The following OR8D1 variants were observed in gnomAD, a reference collection of about 807,000 sequenced individuals.
OR8D1 encodes the protein olfactory receptor 8D1.
For missense variants in OR8D1, 384 were observed against 366.8 expected (o/e 1.05, Z -0.38); for synonymous variants, 143 against 147.0 (o/e 0.97, Z 0.20).
Position 124,304,236 on chromosome 11 carries a change from C to A in OR8D1, c.*5604G>T, listed in dbSNP as rs2137787066. 6.6e-6 allele frequency: 1 copy of A among 152,052 alleles called. No homozygotes were observed. Among genetic ancestry groups the A allele is most frequent in the Non-Finnish European group, 1.5e-5 (1 of 67,916 alleles). The allele number at this position is 152,052 out of a possible 1,614,324, so 9.4% of individuals were successfully genotyped here. A position where few individuals can be genotyped will look rare whatever the true frequency, so the allele number is the denominator to read the frequency against. ...AAACAATCATCATTATGAATTTTAT[C>A]TTCACAGGTTTATATTGCCTATTCT... On this transcript the variant is annotated 3_prime_UTR_variant, in exon 3 of 3. Transcript: ENST00000641015.
In OR8D1 at chr11:124,309,873, C is replaced by A; in HGVS notation, c.894G>T (p.Lys298Asn). 6.7e-7 allele frequency: 1 copy of A among 1,486,688 alleles called. No homozygotes were observed. The highest frequency in any genetic ancestry group is 1.5e-5 in the South Asian group (1 of 65,200). The allele number at this position is 1,486,688 out of a possible 1,614,324, so 92.1% of individuals were successfully genotyped here. A position where few individuals can be genotyped will look rare whatever the true frequency, so the allele number is the denominator to read the frequency against. Residue 298 changes from lysine to asparagine, a missense_variant, in exon 3 of 3, where the codon AAG (lysine) becomes AAT (asparagine). By Grantham distance (94) the Lys-to-Asn change is moderately conservative (BLOSUM62 0). Transcript: ENST00000641015. ...CTACTAAGACCTTCCTTAATGCTTT[C>A]TTCACATCCTTATTCCTCAGACTGT... ...LIYSLRNKDV[K>N]KALRKVLVGK
Position 124,310,386 on chromosome 11 carries a change from A to C in OR8D1, c.381T>G (p.Cys127Trp), listed in dbSNP as rs7107539. 0.36 allele frequency: 583,010 copies of C among 1,612,548 alleles called. 109,406 individuals carry two copies. The highest frequency in any genetic ancestry group is 0.43 in the East Asian group (19,221 of 44,666). ...AMAYDRYVAI[C>W]SPLLYNAIMS... ...TGATCGCATTATAAAGCAGTGGGCT[A>C]CAGATGGCAACATAGCGATCATATG... Residue 127 changes from cysteine to tryptophan, a missense_variant, in exon 3 of 3, where the codon TGT becomes TGG. Transcript: ENST00000641015.
At position 124,310,111 on chromosome 11, in the gene OR8D1, G is replaced by T. The variant is rs1204461557; in HGVS notation, c.656C>A (p.Ala219Asp). Residue 219 changes from alanine (A) to aspartate (D), a missense_variant, in exon 3 of 3, where the codon GCC (alanine) becomes GAC (aspartate). Physicochemically the swap from Ala to Asp is moderately radical, Grantham distance 126. Coordinates refer to ENST00000641015, the MANE Select transcript of OR8D1 (RefSeq NM_001002917.2). The stretch of plus-strand genomic sequence containing the variant: ...GTGAAGGATGCTGTAGAGGATGAAG[G>T]CATAGGAGACAGCAACAGCTAGGGT... ...VPTLAVAVSY[A>D]FILYSILHIR... The T allele has an allele frequency of 6.2e-7, 1 of 1,613,702 alleles. No individual in the cohort carries two copies. The highest frequency in any genetic ancestry group is 2.2e-5 in the East Asian group (1 of 44,762).
At chr11:124,311,094 G>A (rs1211110243) in intron 2 of OR8D1, among the ~76,000 whole-genome samples, 1 of 152,148 alleles carries the variant, frequency 6.6e-6, no homozygotes, top group Non-Finnish European at 1.5e-5. Flanking sequence ...CAGTTAAACA[G>A]TAGAAGAGAT....
At chr11:124,310,849 T>C in intron 2 of OR8D1, 67 bp from the exon 3 acceptor site, 2 of 1,011,086 alleles carry the variant, frequency 2.0e-6, no homozygotes, top group South Asian at 1.5e-5. Context: ...CAAAACCAAA[T>C]TGCATAAGGG....
At position 124,312,198 on chromosome 11, in the gene OR8D1, A is replaced by G. The variant is rs1221793867; in HGVS notation, c.-121-522T>C. Among the ~76,000 whole-genome samples the G allele has an allele frequency of 2.0e-5, 3 of 152,344 alleles. No individual in the cohort carries two copies. In the East Asian group the frequency reaches 5.8e-4, roughly 29 times the overall value. On this transcript the variant is annotated intron_variant, in intron 1 of 2. Transcript: ENST00000641015. The stretch of plus-strand genomic sequence containing the variant: ...GAAAAGTACATAACATCAGGAGATG[A>G]AAATACACTACCTTTGTATGAAGAA...
chr11:124,310,389 G>T lies in OR8D1; in HGVS notation c.378C>A (p.Ile126=). 6.2e-7 allele frequency: 1 copy of T among 1,613,486 alleles called. No homozygotes were observed. Among genetic ancestry groups the T allele is most frequent in the South Asian group, 1.1e-5 (1 of 91,048 alleles). ...TCGCATTATAAAGCAGTGGGCTACA[G>T]ATGGCAACATAGCGATCATATGCCA... ...TAMAYDRYVA[I]CSPLLYNAIM... Residue 126 remains isoleucine (I), a synonymous_variant, in exon 3 of 3, where the codon ATC becomes ATA. Transcript: ENST00000641015.
In OR8D1 at chr11:124,310,081, C is replaced by T. The variant is rs143412660; in HGVS notation, c.686G>A (p.Arg229His). Reference protein sequence around the residue: ...AFILYSILHIRSSEGRSKAFG... With the variant: ...AFILYSILHIHSSEGRSKAFG... ...AGCTTTGGACCGGCCCTCTGAGGAGCGGATGTGAAGGATGCTGTAGAGGAT... is the reference window on the plus strand; with the variant it reads ...AGCTTTGGACCGGCCCTCTGAGGAGTGGATGTGAAGGATGCTGTAGAGGAT... Residue 229 changes from arginine (R) to histidine (H), a missense_variant, in exon 3 of 3, where the codon CGC becomes CAC. Transcript: ENST00000641015. The T allele has an allele frequency of 2.2e-4, 356 of 1,613,258 alleles. No homozygotes were observed. Among genetic ancestry groups the T allele is most frequent in the Admixed American group, 6.0e-4 (36 of 59,918 alleles).
rs1862380853 is a variant in OR8D1, at chr11:124,307,867, A to G, written c.*1973T>C. Reference sequence around the variant, plus strand: ...TGTATAAGTTCTGAGCAGGGCTACAAATACCCATCTTCTAAATTGGAGCTT... The same window carrying G: ...TGTATAAGTTCTGAGCAGGGCTACAGATACCCATCTTCTAAATTGGAGCTT... On this transcript the variant is annotated 3_prime_UTR_variant, in exon 3 of 3. Coordinates refer to ENST00000641015, the MANE Select transcript of OR8D1 (RefSeq NM_001002917.2). 1 of 152,080 alleles carries G rather than the reference A, an allele frequency of 6.6e-6. No homozygotes were observed. The highest frequency in any genetic ancestry group is 2.4e-5 in the African/African-American group (1 of 41,420). 9.4% of individuals were successfully genotyped at this position (152,080 alleles called of 1,614,324 possible). A position where few individuals can be genotyped will look rare whatever the true frequency, so the allele number is the denominator to read the frequency against.
rs1862342470 is a variant in OR8D1 at position 124,303,572 on chromosome 11, A to G, written c.*6268T>C. The G allele has an allele frequency of 6.6e-6, 1 of 152,012 alleles. No individual in the cohort carries two copies. Among genetic ancestry groups the G allele is most frequent in the South Asian group, 2.1e-4 (1 of 4,830 alleles). 9.4% of individuals were successfully genotyped at this position (152,012 alleles called of 1,614,324 possible). A position where few individuals can be genotyped will look rare whatever the true frequency, so the allele number is the denominator to read the frequency against. On this transcript the variant is annotated 3_prime_UTR_variant, in exon 3 of 3. Transcript: ENST00000641015. ...TTGTGGGGCTTTTAAAATTATAGAT[A>G]TCAATTATTTTGTGTTTCAGTTATC...
In OR8D1 at chr11:124,307,342, C is replaced by G. The variant is rs1454605981; in HGVS notation, c.*2498G>C. Reference sequence around the variant, plus strand: ...GTGATCCCAGCAGGCAGCTGTGGTTCCTGACCTCTGACAATGTAAGATTTT... The same window carrying G: ...GTGATCCCAGCAGGCAGCTGTGGTTGCTGACCTCTGACAATGTAAGATTTT... On this transcript the variant is annotated 3_prime_UTR_variant, in exon 3 of 3. Transcript: ENST00000641015. 1 of 152,036 alleles carries G rather than the reference C, an allele frequency of 6.6e-6. No homozygotes were observed. Among genetic ancestry groups the G allele is most frequent in the African/African-American group, 2.4e-5 (1 of 41,422 alleles). 9.4% of individuals were successfully genotyped at this position (152,036 alleles called of 1,614,324 possible). A position where few individuals can be genotyped will look rare whatever the true frequency, so the allele number is the denominator to read the frequency against.
Position 124,310,057 on chromosome 11 carries a change from G to A in OR8D1, c.710C>T (p.Ala237Val). The change falls in exon 3 of 3, where the codon GCT (alanine) becomes GTT (valine). Residue 237 changes from alanine (A) to valine (V), a missense_variant. Coordinates refer to ENST00000641015, the MANE Select transcript of OR8D1 (RefSeq NM_001002917.2). ...HIRSSEGRSK[A>V]FGTCSSHLMA... ...GAGATGAGAGCTGCATGTTCCAAAA[G>A]CTTTGGACCGGCCCTCTGAGGAGCG... The A allele has an allele frequency of 6.2e-7, 1 of 1,613,316 alleles. No homozygotes were observed. The highest frequency in any genetic ancestry group is 8.5e-7 in the Non-Finnish European group (1 of 1,179,646).
intron 1 of OR8D1, among the ~76,000 whole-genome samples, chr11:124,312,053 T>C (rs771281190): frequency 1.7e-4 from 26 of 152,220 alleles, no homozygotes; most frequent in Non-Finnish European, 2.5e-4. Context: ...AACTTCATTG[T>C]TCTAATCTGT....
Position 124,309,950 on chromosome 11 carries a change from CCTT to C in OR8D1, c.814_816del (p.Lys272del), listed in dbSNP as rs1283150367. 1 of 1,557,714 alleles carries C rather than the reference CCTT, an allele frequency of 6.4e-7. No homozygotes were observed. The highest frequency in any genetic ancestry group is 8.7e-7 in the Non-Finnish European group (1 of 1,154,848). On this transcript the variant is annotated inframe_deletion, in exon 3 of 3. Coordinates refer to ENST00000641015, the MANE Select transcript of OR8D1 (RefSeq NM_001002917.2). ...ACCGTGGTGTAGAACACAGAGGACA[CCTT>C]CTCCTGGTCCAGGGAGTTACTTGAA...
At chr11:124,310,830 T>C in intron 2 of OR8D1, 48 bp from the exon 3 acceptor site, 3 of 1,313,868 alleles carry the variant, frequency 2.3e-6, no homozygotes, top group Non-Finnish European at 1.1e-6. Context: ...CCCTCACTGC[T>C]CTTCCAAACA....
Position 124,310,440 on chromosome 11 carries a change from C to T in OR8D1, c.327G>A (p.Val109=). Residue 109 remains valine (V), a synonymous_variant, in exon 3 of 3, where the codon GTG becomes GTA. Transcript: ENST00000641015. ...VQLFFFVVFV[V]AEGYLLTAMA... ...TGGCAGTCAGGAGGTAACCCTCAGC[C>T]ACCACAAAGACCACAAAGAAAAAGA... The T allele has an allele frequency of 2.5e-6, 4 of 1,613,490 alleles. No homozygotes were observed. The highest frequency in any genetic ancestry group is 3.4e-6 in the Non-Finnish European group (4 of 1,179,784).
At position 124,303,143 on chromosome 11, in the gene OR8D1, A is replaced by T. The variant is rs1862338842; in HGVS notation, c.*6697T>A. 1 of 152,422 alleles carries T rather than the reference A, an allele frequency of 6.6e-6. No homozygotes were observed. The highest frequency in any genetic ancestry group is 1.5e-5 in the Non-Finnish European group (1 of 68,260). The allele number at this position is 152,422 out of a possible 1,614,324, so 9.4% of individuals were successfully genotyped here. On this transcript the variant is annotated 3_prime_UTR_variant, in exon 3 of 3. Coordinates refer to ENST00000641015, the MANE Select transcript of OR8D1 (RefSeq NM_001002917.2). ...TCTACATGGCTGGGGAAGCCTCAGG[A>T]AACTTACAATCATAGCAGAAGGGAA...
In OR8D1 at chr11:124,310,487, A is replaced by G. The variant is rs1337349943; in HGVS notation, c.280T>C (p.Tyr94His). The G allele has an allele frequency of 1.9e-6, 3 of 1,613,698 alleles. No individual in the cohort carries two copies. In the African/African-American group the frequency reaches 4.0e-5, roughly 22 times the overall value. ...NFLGKKNTIL[Y>H]SECMVQLFFF... The stretch of plus-strand genomic sequence containing the variant: ...AAGAGCTGGACCATGCACTCAGAGT[A>G]AAGGATTGTATTCTTCTTTCCTAGG... The change falls in exon 3 of 3, where the codon TAC becomes CAC. Residue 94 changes from tyrosine to histidine, a missense_variant. By Grantham distance (83) the Tyr-to-His change is moderately conservative. Coordinates refer to ENST00000641015, the MANE Select transcript of OR8D1 (RefSeq NM_001002917.2).
chr11:124,308,576 G>C lies in OR8D1; in HGVS notation c.*1264C>G, dbSNP rs1464861065. 1 of 152,066 alleles carries C rather than the reference G, an allele frequency of 6.6e-6. No homozygotes were observed. The highest frequency in any genetic ancestry group is 2.4e-5 in the African/African-American group (1 of 41,426). The allele number at this position is 152,066 out of a possible 1,614,324, so 9.4% of individuals were successfully genotyped here. A position where few individuals can be genotyped will look rare whatever the true frequency, so the allele number is the denominator to read the frequency against. On this transcript the variant is annotated 3_prime_UTR_variant, in exon 3 of 3. Transcript: ENST00000641015. ...TAGGAGCTAAAGGTAGACAAGCTTT[G>C]TTAGAACAGTAGGATTTTGGTAGAT...
Sources: gnomAD v4.1 joint callset for allele counts (sites outside exome capture counted in the v4.1 genomes callset) on GRCh38, gnomAD v4.1.1 for gene constraint, MANE v1.5 for transcripts, NCBI Gene and HGNC (gene_info 2026-07-23, HGNC 2026-07-21) for gene names.